Variants in RNF150 observed in about 807,000 individuals in gnomAD.
The protein encoded by RNF150 is ring finger protein 150.
Under a neutral mutation model 39.3 loss-of-function variants are expected in RNF150, and 24 were observed. The ratio of observed to expected loss-of-function variants is 0.61; its 90% CI spans 0.44 to 0.86. RNF150 has a LOEUF of 0.86. RNF150 is among the 40% of genes least tolerant of loss of function. The probability of loss-of-function intolerance (pLI) is 0.00; values close to 1 mark genes in which losing one functional copy is unlikely to be tolerated. For synonymous variants in RNF150, 255 were observed against 227.3 expected (o/e 1.12, Z -1.10); for missense variants, 502 against 587.8 (o/e 0.85, Z 1.51).
intron 1 of RNF150, among the ~76,000 whole-genome samples, chr4:141,194,207 T>G (rs1424371670): frequency 6.6e-6 from 1 of 152,208 alleles, no homozygotes; most frequent in East Asian, 1.9e-4. Context: ...TTCTGATGTA[T>G]TGAAACAATT....
At chr4:140,989,706 T>C (rs551997016) in intron 1 of RNF150, among the ~76,000 whole-genome samples, 304 of 152,196 alleles carry the variant, frequency 2.0e-3, no homozygotes, top group African/African-American at 6.4e-3. Flanking sequence ...GACTAAAATG[T>C]GTAAATTGAA....
intron 6 of RNF150, among the ~76,000 whole-genome samples, chr4:140,875,133 T>G (rs1399717009): frequency 6.6e-6 from 1 of 151,206 alleles, no homozygotes; most frequent in Non-Finnish European, 1.5e-5. Flanking sequence ...TTTATCTGAC[T>G]CCAGAGTCCA....
At position 140,911,164 on chromosome 4, in the gene RNF150, T is replaced by A; in HGVS notation, c.1178A>T (p.Asp393Val). 1 of 1,613,982 alleles carries A rather than the reference T, an allele frequency of 6.2e-7. No individual in the cohort carries two copies. The highest frequency in any genetic ancestry group is 8.5e-7 in the Non-Finnish European group (1 of 1,179,858). Residue 393 changes from aspartate to valine, a missense_variant, in exon 6 of 7, where the codon GAC becomes GTC. By Grantham distance (152) the Asp-to-Val change is radical. Coordinates refer to ENST00000515673, the MANE Select transcript of RNF150 (RefSeq NM_020724.2). ...QDTDPIPQEG[D>V]VIFTTNSEQE... The stretch of plus-strand genomic sequence containing the variant: ...CTCACTGTTAGTAGTAAAGATGACG[T>A]CTCCCTCCTGGGGGATGGGGTCTGT...
At chr4:141,205,086 TAGAATATTAAC>T (rs894383710) in intron 1 of RNF150, among the ~76,000 whole-genome samples, 4 of 152,218 alleles carry the variant, frequency 2.6e-5, no homozygotes, top group African/African-American at 9.7e-5. Flanking sequence ...GACACAAGGC[TAGAATATTAAC>T]AGAATATTGA....
rs553577907 is a variant in RNF150 at position 141,116,150 on chromosome 4, A to G, written c.484+16175T>C. Among the ~76,000 whole-genome samples the G allele has an allele frequency of 2.0e-5, 3 of 152,338 alleles. No individual in the cohort carries two copies. In the East Asian group the frequency reaches 5.8e-4, roughly 29 times the overall value. ...AGCCAAAATTGACAAATGGAATCTA[A>G]CCATACTAAAGAGTTTCTGCACAGT... On this transcript the variant is annotated intron_variant, in intron 1 of 6. Transcript: ENST00000515673.
At chr4:141,064,559 C>T (rs1033413300) in intron 1 of RNF150, among the ~76,000 whole-genome samples, 4 of 152,012 alleles carry the variant, frequency 2.6e-5, no homozygotes, top group Non-Finnish European at 4.4e-5. Context: ...TCTATGATCA[C>T]ACCTGTAAAC....
intron 2 of RNF150, among the ~76,000 whole-genome samples, chr4:140,954,029 C>T (rs1416282217): frequency 6.6e-6 from 1 of 152,164 alleles, no homozygotes; most frequent in Non-Finnish European, 1.5e-5. Flanking sequence ...AGACTCTTTC[C>T]TTTGCCATTC....
At chr4:141,172,672 T>C (rs1435489545) in intron 1 of RNF150, among the ~76,000 whole-genome samples, 1 of 152,126 alleles carries the variant, frequency 6.6e-6, no homozygotes, top group Non-Finnish European at 1.5e-5. Flanking sequence ...TCTCTAGGCC[T>C]TAAATAACAA....
chr4:141,034,281 C>G (rs10022004), intron 1 of RNF150, among the ~76,000 whole-genome samples: 8,090 of 152,200 alleles, frequency 0.053, 616 homozygotes, highest in African/African-American at 0.17. Context: ...TAGCTTCAAA[C>G]TTTTCTTTTG....
intron 1 of RNF150, among the ~76,000 whole-genome samples, chr4:141,087,015 G>A (rs2110996572): frequency 6.6e-6 from 1 of 152,074 alleles, no homozygotes; most frequent in Middle Eastern, 3.4e-3. Flanking sequence ...AGGCTTGGAG[G>A]TACATGTGAA....
intron 6 of RNF150, among the ~76,000 whole-genome samples, chr4:140,872,976 T>C (rs1729007316): frequency 6.6e-6 from 1 of 152,056 alleles, no homozygotes; most frequent in Non-Finnish European, 1.5e-5. Context: ...TGTTTTTGTT[T>C]TAATAGGAAG....
At chr4:141,153,411 A>T (rs1727332791) in intron 1 of RNF150, among the ~76,000 whole-genome samples, 1 of 152,150 alleles carries the variant, frequency 6.6e-6, no homozygotes, top group Non-Finnish European at 1.5e-5. Flanking sequence ...TAAGAGGAAG[A>T]CCATGTCAAG....
intron 1 of RNF150, among the ~76,000 whole-genome samples, chr4:141,004,733 A>T (rs1458048559): frequency 6.6e-6 from 1 of 152,170 alleles, no homozygotes; most frequent in African/African-American, 2.4e-5. Flanking sequence ...TGTCTTTGAG[A>T]CATATGGACT....
At chr4:141,002,847 T>G (rs61174534) in intron 1 of RNF150, among the ~76,000 whole-genome samples, 11,530 of 152,206 alleles carry the variant, frequency 0.076, 488 homozygotes, top group Middle Eastern at 0.16. Flanking sequence ...AATAATGAAG[T>G]CAGCTTTAAG....
chr4:140,930,327 A>T (rs1333080400), intron 4 of RNF150, among the ~76,000 whole-genome samples: 1 of 152,126 alleles, frequency 6.6e-6, no homozygotes, highest in Admixed American at 6.5e-5. Context: ...AATTCCTTGA[A>T]ATCTCCACCT....
intron 3 of RNF150, among the ~76,000 whole-genome samples, 190 bp downstream of exon 3, chr4:140,949,111 T>A (rs1056641384): frequency 6.6e-6 from 1 of 152,228 alleles, no homozygotes; most frequent in Admixed American, 6.5e-5. Flanking sequence ...ACTATTTTAT[T>A]ATCATAGCAT....
chr4:141,029,510 T>C (rs1213661647), intron 1 of RNF150, among the ~76,000 whole-genome samples: 1 of 152,228 alleles, frequency 6.6e-6, no homozygotes, highest in Non-Finnish European at 1.5e-5. Context: ...ATGTTTCTTA[T>C]TTAAACTTTA....
At position 140,949,322 on chromosome 4, in the gene RNF150, C is replaced by T. The variant is rs866647356; in HGVS notation, c.786G>A (p.Arg262=). The change falls in exon 3 of 7, where the codon AGG becomes AGA. Residue 262 remains arginine (R), a synonymous_variant. Transcript: ENST00000515673. ...TTACCTTGTCACCCTTCTTGATGGT[C>T]CTGATCTGGAGTTTGCTGATGGCTT... ...AKKAISKLQI[R]TIKKGDKETE... 2.5e-6 allele frequency: 4 copies of T among 1,612,778 alleles called. No individual in the cohort carries two copies. The highest frequency in any genetic ancestry group is 8.5e-7 in the Non-Finnish European group (1 of 1,179,232).
At position 140,996,433 on chromosome 4, in the gene RNF150, G is replaced by T. The variant is rs910328629; in HGVS notation, c.485-28560C>A. Among the ~76,000 whole-genome samples the T allele has an allele frequency of 3.9e-5, 6 of 152,166 alleles. No individual in the cohort carries two copies. The South Asian group carries it at 1.0e-3, about 26-fold the overall frequency. ...ACTACTAAATGTTAAGAGGTGGCATGATAGAGTAGAAAGAAAATTTGATTT... is the reference window on the plus strand; with the variant it reads ...ACTACTAAATGTTAAGAGGTGGCATTATAGAGTAGAAAGAAAATTTGATTT... On this transcript the variant is annotated intron_variant, in intron 1 of 6. Transcript: ENST00000515673.
Sources: gnomAD v4.1 joint callset for allele counts (sites outside exome capture counted in the v4.1 genomes callset) on GRCh38, gnomAD v4.1.1 for gene constraint, MANE v1.5 for transcripts, NCBI Gene and HGNC (gene_info 2026-07-23, HGNC 2026-07-21) for gene names.